PGM2L1: variants seen among roughly 807,000 people sequenced by gnomAD.
PGM2L1 encodes the protein glucose 1,6-bisphosphate synthase.
PGM2L1 carries 35 observed loss-of-function variants against 73.4 expected under a neutral mutation model. The ratio of observed to expected loss-of-function variants is 0.48; its 90% CI spans 0.36 to 0.63. The LOEUF (loss-of-function observed/expected upper bound fraction) is 0.63, where lower values mean the gene tolerates loss of function less well. Ranked by LOEUF, PGM2L1 falls within the 30% of genes least tolerant of loss-of-function variation. The probability of loss-of-function intolerance (pLI) is 0.00; values close to 1 mark genes in which losing one functional copy is unlikely to be tolerated. For missense variants in PGM2L1, 570 were observed against 742.0 expected (o/e 0.77, Z 2.69); for synonymous variants, 225 against 253.8 (o/e 0.89, Z 1.08).
At chr11:74,387,438 C>A (rs1023441538) in intron 1 of PGM2L1, among the ~76,000 whole-genome samples, 9 of 152,100 alleles carry the variant, frequency 5.9e-5, no homozygotes, top group African/African-American at 1.9e-4. Flanking sequence ...TAGTAAGTAC[C>A]ATGTCTGGTA....
chr11:74,342,492 C>G lies in PGM2L1; in HGVS notation c.1601G>C (p.Gly534Ala). 1 of 1,554,538 alleles carries G rather than the reference C, an allele frequency of 6.4e-7. No homozygotes were observed. The highest frequency in any genetic ancestry group is 1.7e-4 in the Middle Eastern group (1 of 5,850). ...CTTATTAGGCTGGCTACTGTCATAT[C>G]CAGTGGTAACGTCCCGTACATGCAA... ...AILHVRDVTTGYDSSQPNKKS... is the reference protein window; with the variant it reads ...AILHVRDVTTAYDSSQPNKKS... The change falls in exon 12 of 14, where the codon GGA becomes GCA. Residue 534 changes from glycine to alanine, a missense_variant. Physicochemically the swap from Gly to Ala is moderately conservative, Grantham distance 60. Coordinates refer to ENST00000298198, the MANE Select transcript of PGM2L1 (RefSeq NM_173582.6).
chr11:74,384,465 G>A (rs985267338), intron 1 of PGM2L1, among the ~76,000 whole-genome samples: 7 of 151,864 alleles, frequency 4.6e-5, no homozygotes, highest in Non-Finnish European at 1.0e-4. Context: ...AGGAGCCCTT[G>A]CCGGTCAGTT....
chr11:74,374,391 C>A, intron 2 of PGM2L1, 24 bp downstream of exon 2: 1 of 1,580,508 alleles, frequency 6.3e-7, no homozygotes, highest in South Asian at 1.1e-5. Context: ...CAAAAGTACA[C>A]TCTTAATACT....
At position 74,347,158 on chromosome 11, in the gene PGM2L1, TCTC is replaced by T. The variant is rs1435159031; in HGVS notation, c.926_928del (p.Gly309del). The T allele has an allele frequency of 4.4e-6, 7 of 1,575,850 alleles. No individual in the cohort carries two copies. The highest frequency in any genetic ancestry group is 6.0e-6 in the Non-Finnish European group (7 of 1,165,304). ...TATTTAAAAAAATACCAGCACAGAT[TCTC>T]CTTCTTCAGGATTTGGACATTTAAC... On this transcript the variant is annotated inframe_deletion, in exon 7 of 14. Coordinates refer to ENST00000298198, the MANE Select transcript of PGM2L1 (RefSeq NM_173582.6).
rs982322053 is a variant in PGM2L1 at position 74,368,538 on chromosome 11, A to C, written c.509T>G (p.Val170Gly). ...AVQKLKAVAG[V>G]MITASHNRKE... is the part of the protein sequence containing the mutation. ...GCGGTTGTGAGAGGCAGTAATCATC[A>C]CACCTGCAACTGCTTTGAGCTTCTG... Residue 170 changes from valine (V) to glycine (G), a missense_variant, in exon 5 of 14, where the codon GTG becomes GGG. Coordinates refer to ENST00000298198, the MANE Select transcript of PGM2L1 (RefSeq NM_173582.6). 25 of 1,613,974 alleles carry C rather than the reference A, an allele frequency of 1.5e-5. No individual in the cohort carries two copies. The highest frequency in any genetic ancestry group is 1.9e-5 in the Non-Finnish European group (23 of 1,179,866).
intron 4 of PGM2L1, 139 bp downstream of exon 4, chr11:74,370,763 C>A: frequency 2.0e-6 from 1 of 502,094 alleles, no homozygotes; most frequent in South Asian, 5.9e-5. Context: ...AAACTCAAAG[C>A]AAAATTTGTT....
intron 9 of PGM2L1, among the ~76,000 whole-genome samples, chr11:74,343,991 G>A (rs544716059): frequency 2.6e-5 from 4 of 151,764 alleles, no homozygotes; most frequent in African/African-American, 9.7e-5. Flanking sequence ...TGGTCAGGCT[G>A]GTCTTGAACT....
At chr11:74,357,279 A>G (rs182475813) in intron 5 of PGM2L1, among the ~76,000 whole-genome samples, 9 of 152,376 alleles carry the variant, frequency 5.9e-5, no homozygotes, top group Non-Finnish European at 1.2e-4. Context: ...AAGACATGCC[A>G]GACTGGGAGA....
rs376585328 is a variant in PGM2L1, at chr11:74,336,628, G to A, written c.*24C>T. ...TTGCTCTGTTCCATATGCCCACACA[G>A]TGTCATGACATATTGGTGTACCCCT... On this transcript the variant is annotated 3_prime_UTR_variant, in exon 14 of 14. Transcript: ENST00000298198. The A allele has an allele frequency of 2.6e-6, 4 of 1,512,116 alleles. No homozygotes were observed. The highest frequency in any genetic ancestry group is 3.6e-6 in the Non-Finnish European group (4 of 1,100,514). The allele number at this position is 1,512,116 out of a possible 1,614,324, so 93.7% of individuals were successfully genotyped here.
At chr11:74,374,320 G>A (rs1369389433) in intron 2 of PGM2L1, 95 bp downstream of exon 2, 5 of 1,066,406 alleles carry the variant, frequency 4.7e-6, no homozygotes, top group Non-Finnish European at 6.5e-6. Context: ...TGGACCTCGT[G>A]ATCTGCCCGC....
chr11:74,336,637 C>G lies in PGM2L1; in HGVS notation c.*15G>C. On this transcript the variant is annotated 3_prime_UTR_variant, in exon 14 of 14. Coordinates refer to ENST00000298198, the MANE Select transcript of PGM2L1 (RefSeq NM_173582.6). ...TCCATATGCCCACACAGTGTCATGA[C>G]ATATTGGTGTACCCCTAAACAGAAC... 3.2e-6 allele frequency: 5 copies of G among 1,552,694 alleles called. No homozygotes were observed. Among genetic ancestry groups the G allele is most frequent in the Non-Finnish European group, 4.4e-6 (5 of 1,132,768 alleles).
chr11:74,394,826 T>C (rs995955033), intron 1 of PGM2L1, among the ~76,000 whole-genome samples: 1 of 152,162 alleles, frequency 6.6e-6, no homozygotes, highest in Admixed American at 6.5e-5. Flanking sequence ...CCAACGCAAG[T>C]AGCAAATTGA....
intron 4 of PGM2L1, among the ~76,000 whole-genome samples, chr11:74,369,923 T>C (rs1475306169): frequency 6.6e-6 from 1 of 151,982 alleles, no homozygotes; most frequent in African/African-American, 2.4e-5. Context: ...ATTTTTGTAT[T>C]TTTAGTAGAG....
intron 13 of PGM2L1, 134 bp from the exon 14 acceptor site, chr11:74,336,888 T>A: frequency 3.3e-6 from 2 of 599,814 alleles, no homozygotes; most frequent in Non-Finnish European, 5.4e-6. Flanking sequence ...TTCACTTGGT[T>A]AAAACAAAAC....
Position 74,330,357 on chromosome 11 carries a change from G to T in PGM2L1, c.*6295C>A, listed in dbSNP as rs1861993180. On this transcript the variant is annotated 3_prime_UTR_variant, in exon 14 of 14. Transcript: ENST00000298198. ...TTTATTACTGATAACACTTCATTTGGCTAAAACCACAAGAAATCCACACAC... is the reference window on the plus strand; with the variant it reads ...TTTATTACTGATAACACTTCATTTGTCTAAAACCACAAGAAATCCACACAC... 6.6e-6 allele frequency: 1 copy of T among 152,546 alleles called. No individual in the cohort carries two copies. The highest frequency in any genetic ancestry group is 1.5e-5 in the Non-Finnish European group (1 of 68,034). 9.4% of individuals were successfully genotyped at this position (152,546 alleles called of 1,614,324 possible).
At chr11:74,394,484 A>C (rs1863145372) in intron 1 of PGM2L1, among the ~76,000 whole-genome samples, 1 of 152,190 alleles carries the variant, frequency 6.6e-6, no homozygotes, top group Non-Finnish European at 1.5e-5. Flanking sequence ...GGAGTACCCC[A>C]AACTGCCCCA....
intron 12 of PGM2L1, among the ~76,000 whole-genome samples, chr11:74,341,970 G>A (rs1862189386): frequency 6.6e-6 from 1 of 152,094 alleles, no homozygotes; most frequent in Non-Finnish European, 1.5e-5. Context: ...GTTGGTGGGA[G>A]TGTCTTTTAG....
chr11:74,359,557 GTACATACATATATATATATATATACACA>G (rs1862520284), intron 5 of PGM2L1, among the ~76,000 whole-genome samples: 2 of 113,758 alleles, frequency 1.8e-5, no homozygotes. Flanking sequence ...ATATATACAC[GTACATACATATATATATATATATACACA>G]TACATACACA....
chr11:74,340,352 A>C (rs1190444486), intron 12 of PGM2L1, among the ~76,000 whole-genome samples: 1 of 152,226 alleles, frequency 6.6e-6, no homozygotes, highest in Non-Finnish European at 1.5e-5. Flanking sequence ...CAAACTAGAG[A>C]AATAAAAAGA....
Sources: gnomAD v4.1 joint callset for allele counts (sites outside exome capture counted in the v4.1 genomes callset) on GRCh38, gnomAD v4.1.1 for gene constraint, MANE v1.5 for transcripts, NCBI Gene and HGNC (gene_info 2026-07-23, HGNC 2026-07-21) for gene names.